CHRM3: variants seen among roughly 807,000 people sequenced by gnomAD.
The protein encoded by CHRM3 is muscarinic acetylcholine receptor M3.
A neutral mutation model predicts 41.8 loss-of-function variants in CHRM3; 11 were observed. The ratio of observed to expected loss-of-function variants is 0.26; its 90% CI spans 0.17 to 0.44. CHRM3 has a LOEUF of 0.44. Among genes scored for constraint, CHRM3 ranks in the 20% least tolerant of loss-of-function variants. The pLI, the probability that CHRM3 is intolerant of heterozygous loss-of-function variation, is 1.00. For missense variants in CHRM3, 571 were observed against 745.4 expected, an observed-to-expected ratio of 0.77 and a Z score of 2.72; for synonymous variants, 297 against 301.4, an observed-to-expected ratio of 0.99 and a Z score of 0.15.
intron 3 of CHRM3, among the ~76,000 whole-genome samples, chr1:239,566,985 A>C (rs755456947): frequency 6.6e-6 from 1 of 152,220 alleles, no homozygotes; most frequent in Non-Finnish European, 1.5e-5. Flanking sequence ...AGAATTGCTT[A>C]TTCTAAGAAA....
intron 5 of CHRM3, among the ~76,000 whole-genome samples, chr1:239,708,162 C>T (rs1661372095): frequency 6.6e-6 from 1 of 152,102 alleles, no homozygotes; most frequent in Non-Finnish European, 1.5e-5. Flanking sequence ...TGTGATCTTC[C>T]CCTGCCTCTT....
intron 2 of CHRM3, among the ~76,000 whole-genome samples, 176 bp downstream of exon 2, chr1:239,492,983 G>A (rs895798856): frequency 6.6e-6 from 1 of 152,194 alleles, no homozygotes; most frequent in African/African-American, 2.4e-5. Flanking sequence ...AATCCTGACA[G>A]CTTAGCATTG....
intron 6 of CHRM3, among the ~76,000 whole-genome samples, chr1:239,832,754 A>G (rs965200378): frequency 1.3e-5 from 2 of 151,920 alleles, no homozygotes; most frequent in Admixed American, 6.6e-5. Context: ...GCTCTGCTAC[A>G]TGGGTTTGTG....
At chr1:239,460,074 T>C (rs775311867) in intron 1 of CHRM3, among the ~76,000 whole-genome samples, 1 of 152,128 alleles carries the variant, frequency 6.6e-6, no homozygotes. Flanking sequence ...ACATGGCTAA[T>C]AAATGGTCAA....
At chr1:239,574,421 T>G (rs1024522593) in intron 3 of CHRM3, among the ~76,000 whole-genome samples, 1 of 152,044 alleles carries the variant, frequency 6.6e-6, no homozygotes, top group Non-Finnish European at 1.5e-5. Context: ...TGGGGCCCTT[T>G]GTCCAGCGCT....
At chr1:239,593,648 GA>G (rs1664450593) in intron 3 of CHRM3, among the ~76,000 whole-genome samples, 1 of 152,048 alleles carries the variant, frequency 6.6e-6, no homozygotes, top group African/African-American at 2.4e-5. Flanking sequence ...TCAACTTGAG[GA>G]TACAGTGTCA....
intron 3 of CHRM3, among the ~76,000 whole-genome samples, chr1:239,619,611 G>T (rs1668130203): frequency 6.6e-6 from 1 of 152,122 alleles, no homozygotes; most frequent in East Asian, 1.9e-4. Flanking sequence ...GGTCCTTTAA[G>T]CTGTTTTTCT....
intron 1 of CHRM3, among the ~76,000 whole-genome samples, chr1:239,402,777 T>C (rs1481361713): frequency 6.6e-6 from 1 of 152,208 alleles, no homozygotes; most frequent in Non-Finnish European, 1.5e-5. Flanking sequence ...GTCTCTTGTA[T>C]AAAACAGCAC....
intron 3 of CHRM3, among the ~76,000 whole-genome samples, chr1:239,563,935 CAGGAA>C (rs1490368461): frequency 1.3e-5 from 2 of 152,102 alleles, no homozygotes; most frequent in African/African-American, 4.8e-5. Flanking sequence ...GGAATAAGGA[CAGGAA>C]ATGGTTCAAA....
At chr1:239,529,416 A>G (rs1670213391) in intron 2 of CHRM3, among the ~76,000 whole-genome samples, 1 of 152,082 alleles carries the variant, frequency 6.6e-6, no homozygotes, top group African/African-American at 2.4e-5. Flanking sequence ...GTTTGAGACC[A>G]GCCTGACCAA....
chr1:239,764,565 G>T (rs1348823166), intron 5 of CHRM3, among the ~76,000 whole-genome samples: 1 of 152,112 alleles, frequency 6.6e-6, no homozygotes, highest in Non-Finnish European at 1.5e-5. Context: ...ACCCAAAGAG[G>T]TTTTAAATAG....
chr1:239,747,916 A>C (rs891443138), intron 5 of CHRM3, among the ~76,000 whole-genome samples: 1 of 152,168 alleles, frequency 6.6e-6, no homozygotes. Flanking sequence ...ACGTGCCTGT[A>C]ATCCCAGCTA....
At chr1:239,885,225 G>A (rs1677967595) in intron 6 of CHRM3, among the ~76,000 whole-genome samples, 1 of 152,162 alleles carries the variant, frequency 6.6e-6, no homozygotes, top group South Asian at 2.1e-4. Flanking sequence ...GAAAACATGT[G>A]ATAGTCCTCT....
rs532010536 is a variant in CHRM3 at position 239,532,495 on chromosome 1, T to G, written c.-421-13146T>G. ...CAAAAATTAGCCGGACATGGTGGTG[T>G]GTGCCTGTAGTCCCAGCTACTCCGG... is the stretch of plus-strand genomic sequence containing the variant. On this transcript the variant is annotated intron_variant, in intron 2 of 6. Coordinates refer to ENST00000676153, the MANE Select transcript of CHRM3 (RefSeq NM_001375978.1). Among the ~76,000 whole-genome samples, 13 of 150,756 alleles carry G rather than the reference T, an allele frequency of 8.6e-5. No individual in the cohort carries two copies. The South Asian group carries it at 2.3e-3, about 27-fold the overall frequency.
intron 6 of CHRM3, among the ~76,000 whole-genome samples, chr1:239,886,803 G>A (rs1220863691): frequency 2.6e-5 from 4 of 152,082 alleles, no homozygotes; most frequent in Admixed American, 6.6e-5. Flanking sequence ...GTTCCAGCCC[G>A]GTTCCAAAGA....
intron 1 of CHRM3, among the ~76,000 whole-genome samples, chr1:239,461,208 T>G (rs1215639428): frequency 2.0e-5 from 3 of 152,182 alleles, no homozygotes; most frequent in Non-Finnish European, 4.4e-5. Flanking sequence ...AGGAGAGATT[T>G]ATATGGGTTA....
At chr1:239,553,664 C>G (rs183263994) in intron 3 of CHRM3, among the ~76,000 whole-genome samples, 1 of 152,098 alleles carries the variant, frequency 6.6e-6, no homozygotes, top group Non-Finnish European at 1.5e-5. Context: ...TATCCCATCC[C>G]GCTCCCATCA....
intron 6 of CHRM3, among the ~76,000 whole-genome samples, chr1:239,882,861 T>TG (rs1442589604): frequency 6.6e-6 from 1 of 152,220 alleles, no homozygotes; most frequent in Admixed American, 6.5e-5. Flanking sequence ...CAGCACGCAG[T>TG]GGGTGTTCAA....
At chr1:239,419,768 C>A (rs763483007) in intron 1 of CHRM3, among the ~76,000 whole-genome samples, 57 of 152,250 alleles carry the variant, frequency 3.7e-4, no homozygotes, top group African/African-American at 7.0e-4. Flanking sequence ...AATGAAAATA[C>A]CTTCAGCCTT....
Sources: gnomAD v4.1 joint callset for allele counts (sites outside exome capture counted in the v4.1 genomes callset) on GRCh38, gnomAD v4.1.1 for gene constraint, MANE v1.5 for transcripts, NCBI Gene and HGNC (gene_info 2026-07-23, HGNC 2026-07-21) for gene names.